The following ZFP2 variants were observed in gnomAD, a reference collection of about 807,000 sequenced individuals.
ZFP2 encodes ZFP2 zinc finger protein, also known as zinc finger protein ZFP2.
In ZFP2, 33 loss-of-function variants were observed where a neutral mutation model predicts 36.1. That is an observed-to-expected ratio of 0.92 (90% CI 0.69 to 1.22). The LOEUF is 1.22. Among genes scored for constraint, ZFP2 ranks in the 50% most tolerant of loss-of-function variants. ZFP2 has a pLI of 0.00. For missense variants in ZFP2, 522 were observed against 551.4 expected, an observed-to-expected ratio of 0.95 and a Z score of 0.53; for synonymous variants, 170 against 178.0, an observed-to-expected ratio of 0.96 and a Z score of 0.36.
chr5:178,899,234 A>G (rs1359657979), intron 1 of ZFP2, among the ~76,000 whole-genome samples: 4 of 152,070 alleles, frequency 2.6e-5, no homozygotes, highest in African/African-American at 9.7e-5. Flanking sequence ...CTGAAACATT[A>G]TTTTCTCATG....
At chr5:178,916,453 A>G (rs1420977902) in intron 3 of ZFP2, 112 bp from the exon 4 acceptor site, 1 of 582,720 alleles carries the variant, frequency 1.7e-6, no homozygotes, top group Non-Finnish European at 2.2e-6. Context: ...TGTATCTGAA[A>G]GAGCAGAGAG....
chr5:178,899,831 T>G (rs1181486217), intron 1 of ZFP2, among the ~76,000 whole-genome samples: 1 of 152,118 alleles, frequency 6.6e-6, no homozygotes, highest in Non-Finnish European at 1.5e-5. Flanking sequence ...TACTGAAGAC[T>G]TAACGGCATT....
chr5:178,924,916 G>A (rs1412225004), intron 4 of ZFP2, among the ~76,000 whole-genome samples: 1 of 147,824 alleles, frequency 6.8e-6, no homozygotes, highest in African/African-American at 2.4e-5. Context: ...ACAGAACATT[G>A]CTAGTGCCAT....
At chr5:178,910,667 G>C (rs1758278217) in intron 1 of ZFP2, 1 of 362,526 alleles carries the variant, frequency 2.8e-6, no homozygotes. Flanking sequence ...ACTGCCGCTG[G>C]CCCATGCACC....
rs1197411880 is a variant in ZFP2 at position 178,905,082 on chromosome 5, A to G, written c.-449-7502A>G. Among the ~76,000 whole-genome samples the G allele has an allele frequency of 4.6e-5, 7 of 152,256 alleles. 1 individual carries two copies. In the South Asian group the frequency reaches 8.3e-4, roughly 18 times the overall value. On this transcript the variant is annotated intron_variant, in intron 1 of 4. Transcript: ENST00000361362. ...TACTGTTCTCGTATATTTATCCTTA[A>G]TAGTCGAATTTTATTATGAAGTTCC...
intron 4 of ZFP2, among the ~76,000 whole-genome samples, chr5:178,919,947 G>C (rs1321808594): frequency 6.7e-6 from 1 of 150,260 alleles, no homozygotes; most frequent in Non-Finnish European, 1.5e-5. Context: ...CTGGGCGACA[G>C]AGTGGACTCT....
intron 1 of ZFP2, among the ~76,000 whole-genome samples, chr5:178,906,705 G>A (rs1280598370): frequency 5.9e-5 from 9 of 151,940 alleles, no homozygotes; most frequent in African/African-American, 1.7e-4. Context: ...ACAGGTACAC[G>A]CCACTGTGTC....
In ZFP2 at chr5:178,931,561, C is replaced by G. The variant is rs758866372; in HGVS notation, c.248C>G (p.Ala83Gly). 9.3e-6 allele frequency: 15 copies of G among 1,614,094 alleles called. No individual in the cohort carries two copies. In the Admixed American group the frequency reaches 2.5e-4, roughly 27 times the overall value. Residue 83 changes from alanine to glycine, a missense_variant, in exon 5 of 5, where the codon GCC becomes GGC. Coordinates refer to ENST00000361362, the MANE Select transcript of ZFP2 (RefSeq NM_030613.4). Reference protein sequence around the residue: ...PHNCNSHGEDATQNSELIKTQ... With the variant: ...PHNCNSHGEDGTQNSELIKTQ... ...AACTGTAATTCACATGGAGAAGATG[C>G]CACACAAAATTCTGAGTTAATTAAA...
intron 1 of ZFP2, among the ~76,000 whole-genome samples, chr5:178,896,279 G>A (rs530756783): frequency 8.5e-5 from 13 of 152,326 alleles, no homozygotes; most frequent in African/African-American, 2.9e-4. Flanking sequence ...ATGGGGGCTC[G>A]AACAAGGGCC....
intron 1 of ZFP2, among the ~76,000 whole-genome samples, chr5:178,896,513 G>C (rs1353504856): frequency 6.6e-6 from 1 of 152,198 alleles, no homozygotes; most frequent in Non-Finnish European, 1.5e-5. Context: ...CCCGCCCTCT[G>C]GATCTCATTC....
intron 4 of ZFP2, among the ~76,000 whole-genome samples, chr5:178,927,663 ATGTGTGTGTGTGTGTGTGTGTGTGTG>A (rs33974182): frequency 4.3e-5 from 4 of 92,552 alleles, no homozygotes; most frequent in African/African-American, 1.1e-4. Context: ...TACCTGGCCA[ATGTGTGTGTGTGTGTGTGTGTGTGTG>A]TGTGTGTGTG....
At chr5:178,919,806 A>G (rs1758515421) in intron 4 of ZFP2, among the ~76,000 whole-genome samples, 1 of 152,110 alleles carries the variant, frequency 6.6e-6, no homozygotes, top group African/African-American at 2.4e-5. Flanking sequence ...TGCAAAAAAT[A>G]CAAAACTACC....
intron 1 of ZFP2, among the ~76,000 whole-genome samples, chr5:178,902,912 A>T (rs866688295): frequency 6.6e-6 from 1 of 152,246 alleles, no homozygotes; most frequent in Non-Finnish European, 1.5e-5. Flanking sequence ...AGACCTGTCC[A>T]TATCAGTACA....
chr5:178,912,629 T>C lies in ZFP2; in HGVS notation c.-404T>C. On this transcript the variant is annotated 5_prime_UTR_variant, in exon 2 of 5. Coordinates refer to ENST00000361362, the MANE Select transcript of ZFP2 (RefSeq NM_030613.4). ...CAAGGATGTGTCCATAGATTTCTCT[T>C]GGGAAGAGTGGATTCAAGCAGATTC... 9.5e-7 allele frequency: 1 copy of C among 1,048,238 alleles called. No homozygotes were observed. 64.9% of individuals were successfully genotyped at this position (1,048,238 alleles called of 1,614,324 possible).
intron 4 of ZFP2, among the ~76,000 whole-genome samples, chr5:178,921,197 G>T (rs142581852): frequency 4.6e-5 from 7 of 152,240 alleles, no homozygotes; most frequent in Admixed American, 4.6e-4. Flanking sequence ...TATGTATCTC[G>T]CAGGTGAGCC....
chr5:178,907,711 C>G (rs1176998057), intron 1 of ZFP2, among the ~76,000 whole-genome samples: 1 of 151,976 alleles, frequency 6.6e-6, no homozygotes. Flanking sequence ...TTCCCAACCA[C>G]CAGGAACAGA....
Position 178,931,540 on chromosome 5 carries a change from G to T in ZFP2, c.227G>T (p.Cys76Phe). The T allele has an allele frequency of 1.2e-6, 2 of 1,614,124 alleles. No individual in the cohort carries two copies. Among genetic ancestry groups the T allele is most frequent in the Non-Finnish European group, 1.7e-6 (2 of 1,180,028 alleles). The change falls in exon 5 of 5, where the codon TGT (cysteine) becomes TTT (phenylalanine). Residue 76 changes from cysteine to phenylalanine, a missense_variant. Coordinates refer to ENST00000361362, the MANE Select transcript of ZFP2 (RefSeq NM_030613.4). ...SIPMVKRPHN[C>F]NSHGEDATQN... ...CCTATGGTAAAAAGGCCCCATAACTGTAATTCACATGGAGAAGATGCCACA... is the reference window on the plus strand; with the variant it reads ...CCTATGGTAAAAAGGCCCCATAACTTTAATTCACATGGAGAAGATGCCACA...
intron 1 of ZFP2, among the ~76,000 whole-genome samples, chr5:178,906,944 T>C (rs1271683558): frequency 6.6e-6 from 1 of 152,036 alleles, no homozygotes; most frequent in Non-Finnish European, 1.5e-5. Context: ...AGCTGAACTA[T>C]ACAAGTTCCT....
In ZFP2 at chr5:178,932,347, G is replaced by A. The variant is rs759706434; in HGVS notation, c.1034G>A (p.Arg345Gln). The change falls in exon 5 of 5, where the codon CGG becomes CAG. Residue 345 changes from arginine (R) to glutamine (Q), a missense_variant. Physicochemically the swap from Arg to Gln is conservative, Grantham distance 43. Coordinates refer to ENST00000361362, the MANE Select transcript of ZFP2 (RefSeq NM_030613.4). ...FSKNSSLTQH[R>Q]RIHTGEKPYE... ...AAGAATTCATCTCTAACTCAACATC[G>A]GAGAATTCACACTGGAGAGAAACCT... The A allele has an allele frequency of 3.3e-5, 54 of 1,613,668 alleles. No homozygotes were observed. The highest frequency in any genetic ancestry group is 8.9e-5 in the East Asian group (4 of 44,832).
Sources: gnomAD v4.1 joint callset for allele counts (sites outside exome capture counted in the v4.1 genomes callset) on GRCh38, gnomAD v4.1.1 for gene constraint, MANE v1.5 for transcripts, NCBI Gene and HGNC (gene_info 2026-07-23, HGNC 2026-07-21) for gene names.